CTNNA1: variants seen among roughly 807,000 people sequenced by gnomAD.
CTNNA1 encodes the protein catenin alpha-1.
Under a neutral mutation model 98.4 loss-of-function variants are expected in CTNNA1, and 37 were observed. That is an observed-to-expected ratio of 0.38 (90% CI 0.29 to 0.49). The LOEUF is 0.49. Ranked by LOEUF, CTNNA1 falls within the 20% of genes least tolerant of loss-of-function variation. CTNNA1 has a pLI of 0.95. For synonymous variants in CTNNA1, 404 were observed against 413.2 expected (o/e 0.98, Z 0.27); for missense variants, 761 against 1,147.2 (o/e 0.66, Z 4.86).
At chr5:138,759,980 CTTTTTTTTTTTTTT>C (rs70982734) in intron 1 of CTNNA1, among the ~76,000 whole-genome samples, 5 of 61,244 alleles carry the variant, frequency 8.2e-5, no homozygotes, top group Admixed American at 2.0e-4. Context: ...AATTTCTTTC[CTTTTTTTTTTTTTT>C]TTTTTTTTTT....
At chr5:138,853,221 TA>T (rs1763404715) in intron 7 of CTNNA1, among the ~76,000 whole-genome samples, 2 of 152,150 alleles carry the variant, frequency 1.3e-5, no homozygotes, top group African/African-American at 2.4e-5. Flanking sequence ...TGCTTGGGAT[TA>T]TAGGCGTGAG....
intron 5 of CTNNA1, among the ~76,000 whole-genome samples, chr5:138,819,568 G>A (rs562970727): frequency 1.2e-4 from 19 of 152,216 alleles, no homozygotes; most frequent in South Asian, 8.3e-4. Flanking sequence ...AGGCCTGAGG[G>A]GCATGACTTT....
chr5:138,754,312 T>C (rs143972591), intron 1 of CTNNA1: 1 of 150,472 alleles, frequency 6.6e-6, no homozygotes, highest in Non-Finnish European at 1.5e-5. Flanking sequence ...TTGGAAAAAA[T>C]GTTGCCTGAA....
At chr5:138,839,020 G>C (rs1472554336) in intron 7 of CTNNA1, among the ~76,000 whole-genome samples, 1 of 152,080 alleles carries the variant, frequency 6.6e-6, no homozygotes, top group African/African-American at 2.4e-5. Context: ...AGTATGTTGT[G>C]TAATTTCCAA....
At chr5:138,877,664 G>A (rs1751942166) in intron 7 of CTNNA1, among the ~76,000 whole-genome samples, 1 of 151,804 alleles carries the variant, frequency 6.6e-6, no homozygotes, top group Non-Finnish European at 1.5e-5. Context: ...AGCCAGGATG[G>A]TCTCGATCAC....
intron 5 of CTNNA1, among the ~76,000 whole-genome samples, chr5:138,821,194 TTGAC>T (rs1325663134): frequency 6.6e-6 from 1 of 152,224 alleles, no homozygotes; most frequent in Non-Finnish European, 1.5e-5. Context: ...ATGTTGTTCT[TTGAC>T]TGTAAGTGTA....
At chr5:138,844,286 G>T (rs181639148) in intron 7 of CTNNA1, among the ~76,000 whole-genome samples, 5 of 152,060 alleles carry the variant, frequency 3.3e-5, no homozygotes, top group Non-Finnish European at 5.9e-5. Context: ...ACAAGCCACC[G>T]CACCTGGCCC....
At chr5:138,927,747 A>AAT (rs397738119) in intron 13 of CTNNA1, among the ~76,000 whole-genome samples, 1 of 151,716 alleles carries the variant, frequency 6.6e-6, no homozygotes, top group African/African-American at 2.4e-5. Flanking sequence ...TGAATGAATG[A>AAT]GAGTACTCGG....
intron 3 of CTNNA1, among the ~76,000 whole-genome samples, chr5:138,809,752 T>A (rs1476836545): frequency 2.0e-5 from 3 of 152,208 alleles, no homozygotes; most frequent in East Asian, 1.9e-4. Flanking sequence ...CTTTTTTTTT[T>A]AAAGGAACAT....
chr5:138,931,695 C>T (rs1443381776), intron 16 of CTNNA1: 2 of 985,358 alleles, frequency 2.0e-6, no homozygotes, highest in Non-Finnish European at 2.4e-6. Flanking sequence ...CCTGTTCTTT[C>T]CTCTCTCCAC....
chr5:138,851,622 G>A (rs958264067), intron 7 of CTNNA1, among the ~76,000 whole-genome samples: 12 of 151,558 alleles, frequency 7.9e-5, no homozygotes, highest in African/African-American at 2.4e-5. Context: ...AGCTGGGCGC[G>A]GTGGCATACA....
intron 7 of CTNNA1, among the ~76,000 whole-genome samples, chr5:138,836,126 C>T (rs566908506): frequency 4.6e-5 from 7 of 152,338 alleles, no homozygotes; most frequent in African/African-American, 1.4e-4. Context: ...GTTGGGATTA[C>T]AGGTGTGAGC....
chr5:138,908,763 T>C (rs1054033717), intron 10 of CTNNA1, among the ~76,000 whole-genome samples: 1 of 152,070 alleles, frequency 6.6e-6, no homozygotes, highest in East Asian at 2.0e-4. Flanking sequence ...CGATTTGTTA[T>C]CATTAAGAAA....
intron 7 of CTNNA1, among the ~76,000 whole-genome samples, chr5:138,834,380 AC>A (rs1418384664): frequency 6.6e-6 from 1 of 152,004 alleles, no homozygotes; most frequent in Non-Finnish European, 1.5e-5. Context: ...TTCTTTTCTT[AC>A]CTTTTCTTTT....
chr5:138,901,267 C>A (rs1757972041), intron 9 of CTNNA1, among the ~76,000 whole-genome samples: 1 of 152,164 alleles, frequency 6.6e-6, no homozygotes, highest in Non-Finnish European at 1.5e-5. Flanking sequence ...AAGCAATTCT[C>A]ATGCCTCAGC....
intron 7 of CTNNA1, 31 bp downstream of exon 7, chr5:138,827,749 A>C: frequency 6.2e-7 from 1 of 1,611,276 alleles, no homozygotes; most frequent in Non-Finnish European, 8.5e-7. Flanking sequence ...TTGAAGTAAG[A>C]TATTTATGGA....
At chr5:138,827,273 G>A (rs1368724883) in intron 6 of CTNNA1, among the ~76,000 whole-genome samples, 9 of 152,084 alleles carry the variant, frequency 5.9e-5, no homozygotes, top group African/African-American at 2.2e-4. Flanking sequence ...TTGTATTTGT[G>A]GTATCATACC....
intron 3 of CTNNA1, among the ~76,000 whole-genome samples, chr5:138,800,173 T>C (rs1757422899): frequency 6.6e-6 from 1 of 152,202 alleles, no homozygotes; most frequent in South Asian, 2.1e-4. Flanking sequence ...TCCATGAAGC[T>C]GTAGCTGCTA....
At chr5:138,835,058 A>G (rs1314589440) in intron 7 of CTNNA1, among the ~76,000 whole-genome samples, 2 of 152,128 alleles carry the variant, frequency 1.3e-5, no homozygotes, top group African/African-American at 4.8e-5. Flanking sequence ...TACTTTCTCA[A>G]GGGTGGGGAG....
Sources: gnomAD v4.1 joint callset for allele counts (sites outside exome capture counted in the v4.1 genomes callset) on GRCh38, gnomAD v4.1.1 for gene constraint, MANE v1.5 for transcripts, NCBI Gene and HGNC (gene_info 2026-07-23, HGNC 2026-07-21) for gene names.